CNIH3: variants seen among roughly 807,000 people sequenced by gnomAD.
CNIH3 encodes the protein cornichon family AMPA receptor auxiliary protein 3.
In CNIH3, 14 loss-of-function variants were observed where a neutral mutation model predicts 24.1. The ratio of observed to expected loss-of-function variants is 0.58; its 90% CI spans 0.38 to 0.91. The LOEUF (loss-of-function observed/expected upper bound fraction) is 0.91. Among genes scored for constraint, CNIH3 ranks in the 40% least tolerant of loss-of-function variants. CNIH3 has a pLI of 0.00. For missense variants in CNIH3, 178 were observed against 196.8 expected, an observed-to-expected ratio of 0.90 and a Z score of 0.57; for synonymous variants, 68 against 73.8, an observed-to-expected ratio of 0.92 and a Z score of 0.40.
chr1:224,686,217 T>C (rs1037229429), intron 3 of CNIH3, among the ~76,000 whole-genome samples: 4 of 144,142 alleles, frequency 2.8e-5, no homozygotes, highest in African/African-American at 1.0e-4. Context: ...CTAAGTGTTC[T>C]CATTGTTCAG....
chr1:224,457,511 A>ATTTT (rs943521801), intron 1 of CNIH3, among the ~76,000 whole-genome samples: 268 of 111,038 alleles, frequency 2.4e-3, no homozygotes, highest in Non-Finnish European at 3.1e-3. Context: ...TGGTCTGGGG[A>ATTTT]TTTTTTTTTT....
chr1:224,712,866 G>A (rs531692466), intron 3 of CNIH3, among the ~76,000 whole-genome samples: 2 of 152,268 alleles, frequency 1.3e-5, no homozygotes, highest in African/African-American at 2.4e-5. Flanking sequence ...AAAATAGAAT[G>A]TTTCAGCTCT....
intron 1 of CNIH3, among the ~76,000 whole-genome samples, chr1:224,630,185 T>C (rs1247914512): frequency 3.9e-5 from 6 of 152,166 alleles, no homozygotes; most frequent in African/African-American, 1.4e-4. Flanking sequence ...TTGCCAAGAA[T>C]TTTGTTATTG....
intron 1 of CNIH3, among the ~76,000 whole-genome samples, chr1:224,669,120 G>C (rs1372816209): frequency 2.0e-5 from 3 of 152,168 alleles, no homozygotes; most frequent in Non-Finnish European, 4.4e-5. Flanking sequence ...CTGCTGGCTG[G>C]AGTTGAGGAC....
downstream of CNIH3, among the ~76,000 whole-genome samples, chr1:224,541,858 A>G (rs371539038): frequency 6.6e-6 from 1 of 152,198 alleles, no homozygotes; most frequent in Non-Finnish European, 1.5e-5. Context: ...TCTTATTTTT[A>G]AAAAATCTTA....
chr1:224,434,756 T>C lies in CNIH3; in HGVS notation n.97T>C, dbSNP rs571156479. On this transcript the variant is annotated non_coding_transcript_exon_variant, in exon 1 of 6. Coordinates refer to the CNIH3 transcript ENST00000471578. ...CTCTGTCCTCGGATCCGCTCCGCTC[T>C]GCTCCCTGGTGTGTTGATTCTTCCC... 4.1e-6 allele frequency: 4 copies of C among 986,526 alleles called. No individual in the cohort carries two copies. The African/African-American group carries it at 5.2e-5, about 13-fold the overall frequency. The allele number at this position is 986,526 out of a possible 1,614,324, so 61.1% of individuals were successfully genotyped here.
chr1:224,549,332 A>G (rs866954296), intron 3 of CNIH3, among the ~76,000 whole-genome samples: 1 of 152,182 alleles, frequency 6.6e-6, no homozygotes, highest in Middle Eastern at 3.4e-3. Context: ...GTGTGTACAA[A>G]CACACTAGAT....
intron 1 of CNIH3, among the ~76,000 whole-genome samples, chr1:224,619,250 T>C (rs1182223783): frequency 6.6e-6 from 1 of 152,198 alleles, no homozygotes; most frequent in Non-Finnish European, 1.5e-5. Context: ...CATTGAGTGG[T>C]TTGTGCAGCT....
At position 224,508,319 on chromosome 1, in the gene CNIH3, T is replaced by C. The variant is rs550395420; in HGVS notation, n.204-7422T>C. On this transcript the variant is annotated intron_variant and non_coding_transcript_variant, in intron 1 of 5. Transcript: ENST00000471578. ...CACAGGCTCAGATCTGGGAGAGTTG[T>C]AAATTCTTCTGGCATTTGAAGGGGC... Among the ~76,000 whole-genome samples, 24 of 152,334 alleles carry C rather than the reference T, an allele frequency of 1.6e-4. 1 individual carries two copies. The South Asian group carries it at 4.6e-3, about 29-fold the overall frequency.
intron 3 of CNIH3, among the ~76,000 whole-genome samples, chr1:224,709,202 A>T (rs1027844273): frequency 6.6e-6 from 1 of 152,142 alleles, no homozygotes. Flanking sequence ...ATCTCCTCCA[A>T]CGCTGAAGCA....
At chr1:224,650,302 G>T (rs2786558) in intron 1 of CNIH3, among the ~76,000 whole-genome samples, 87,682 of 151,296 alleles carry the variant, frequency 0.58, 27,759 homozygotes, top group African/African-American at 0.84. Context: ...TCTGCCTAAG[G>T]AGCATTTTTC....
At chr1:224,633,270 C>T (rs111805989) in intron 1 of CNIH3, among the ~76,000 whole-genome samples, 8 of 152,188 alleles carry the variant, frequency 5.3e-5, no homozygotes, top group East Asian at 1.9e-4. Flanking sequence ...GCGATTCTCC[C>T]GTCTCAGCCC....
At chr1:224,556,899 TC>T (rs1680161984) in intron 3 of CNIH3, among the ~76,000 whole-genome samples, 1 of 152,130 alleles carries the variant, frequency 6.6e-6, no homozygotes, top group African/African-American at 2.4e-5. Flanking sequence ...AAGACAACCC[TC>T]CCCTTTGCTG....
chr1:224,574,637 G>A lies in CNIH3; in HGVS notation n.516+8373G>A, dbSNP rs1221005091. On this transcript the variant is annotated intron_variant and non_coding_transcript_variant, in intron 4 of 5. Transcript: ENST00000471578. Reference sequence around the variant, plus strand: ...GGGAGAAGCTCAGGGAGCAGGTGGTGAAGTGTGAGGAGCTCTTCATCACCA... The same window carrying A: ...GGGAGAAGCTCAGGGAGCAGGTGGTAAAGTGTGAGGAGCTCTTCATCACCA... 10 of 887,428 alleles carry A rather than the reference G, an allele frequency of 1.1e-5. No homozygotes were observed. In the African/African-American group the frequency reaches 1.1e-4, roughly 10 times the overall value. The allele number at this position is 887,428 out of a possible 1,614,324, so 55.0% of individuals were successfully genotyped here.
rs551086400 is a variant in CNIH3, at chr1:224,501,304, G to C, written n.204-14437G>C. On this transcript the variant is annotated intron_variant and non_coding_transcript_variant, in intron 1 of 5. Coordinates refer to the CNIH3 transcript ENST00000471578. ...CATGGGCAATAATACTATCATTATT[G>C]AGAGCTTACTGGGTGAAAGGCACTT... 5.9e-5 allele frequency among the ~76,000 whole-genome samples: 9 copies of C among 152,112 alleles called. No homozygotes were observed. In the South Asian group the frequency reaches 1.9e-3, roughly 32 times the overall value.
chr1:224,654,016 G>A (rs1196689368), intron 1 of CNIH3, among the ~76,000 whole-genome samples: 1 of 152,054 alleles, frequency 6.6e-6, no homozygotes, highest in Non-Finnish European at 1.5e-5. Flanking sequence ...GAGAGGTCGA[G>A]GCTGCAGTGA....
chr1:224,611,500 C>T (rs187437799), upstream of CNIH3: 5 of 152,326 alleles, frequency 3.3e-5, no homozygotes, highest in African/African-American at 9.6e-5. Context: ...TCAGTGGTCC[C>T]TGCTCTCTGT....
rs550189211 is a variant in CNIH3 at position 224,584,904 on chromosome 1, C to T, written n.620+1637C>T. ...CAAGGGACATCTTTAGGAATGGGAA[C>T]GACACAGCTACATCTGCTGACATCA... On this transcript the variant is annotated intron_variant and non_coding_transcript_variant, in intron 5 of 5. Coordinates refer to the CNIH3 transcript ENST00000471578. 1.3e-4 allele frequency among the ~76,000 whole-genome samples: 20 copies of T among 152,274 alleles called. No individual in the cohort carries two copies. In the East Asian group the frequency reaches 1.7e-3, roughly 13 times the overall value.
chr1:224,707,454 C>T (rs1687885226), intron 3 of CNIH3, among the ~76,000 whole-genome samples: 1 of 151,442 alleles, frequency 6.6e-6, no homozygotes, highest in Admixed American at 6.6e-5. Context: ...CCGCCCCACC[C>T]TCAATTGGTG....
Sources: gnomAD v4.1 joint callset for allele counts (sites outside exome capture counted in the v4.1 genomes callset) on GRCh38, gnomAD v4.1.1 for gene constraint, MANE v1.5 for transcripts, NCBI Gene and HGNC (gene_info 2026-07-23, HGNC 2026-07-21) for gene names.